The following KIF6 variants were observed in gnomAD, a reference collection of about 807,000 sequenced individuals.
KIF6 encodes the protein kinesin family member 6.
Under a neutral mutation model 112.7 loss-of-function variants are expected in KIF6, and 106 were observed. That is an observed-to-expected ratio of 0.94 (90% CI 0.80 to 1.11). The LOEUF is 1.11. Among genes scored for constraint, KIF6 ranks in the 50% least tolerant of loss-of-function variants. The pLI, the probability that KIF6 is intolerant of heterozygous loss-of-function variation, is 0.00. For synonymous variants in KIF6, 339 were observed against 339.9 expected (o/e 1.00, Z 0.03); for missense variants, 929 against 964.0 (o/e 0.96, Z 0.48).
At chr6:39,467,202 G>A (rs1051985412) in intron 13 of KIF6, among the ~76,000 whole-genome samples, 110 of 152,224 alleles carry the variant, frequency 7.2e-4, no homozygotes, top group Non-Finnish European at 3.4e-4. Flanking sequence ...AGCTCCATGA[G>A]AGCAACAAGC....
At chr6:39,686,399 C>G (rs993093398) in intron 3 of KIF6, among the ~76,000 whole-genome samples, 2 of 152,166 alleles carry the variant, frequency 1.3e-5, no homozygotes, top group African/African-American at 4.8e-5. Flanking sequence ...GCTAATTATG[C>G]CAATCACATG....
intron 15 of KIF6, among the ~76,000 whole-genome samples, chr6:39,388,832 T>C (rs564418537): frequency 7.2e-5 from 11 of 152,280 alleles, no homozygotes; most frequent in African/African-American, 2.6e-4. Context: ...ACTCCCAGCC[T>C]GAGGCCGGAG....
At chr6:39,599,754 T>C (rs1213839282) in intron 6 of KIF6, among the ~76,000 whole-genome samples, 1 of 152,130 alleles carries the variant, frequency 6.6e-6, no homozygotes, top group African/African-American at 2.4e-5. Context: ...ACAATCAATA[T>C]AAACAAATAA....
chr6:39,390,536 G>T (rs191548390), intron 15 of KIF6, among the ~76,000 whole-genome samples: 6 of 152,276 alleles, frequency 3.9e-5, no homozygotes, highest in African/African-American at 1.4e-4. Flanking sequence ...TGGGACAGGG[G>T]CGGCAAGGGA....
chr6:39,697,437 A>T (rs557788860), intron 3 of KIF6, among the ~76,000 whole-genome samples: 2 of 152,318 alleles, frequency 1.3e-5, no homozygotes, highest in African/African-American at 4.8e-5. Context: ...TAGACTTCCC[A>T]GTTATGTAAG....
intron 13 of KIF6, among the ~76,000 whole-genome samples, chr6:39,439,956 T>C (rs1172520915): frequency 6.6e-6 from 1 of 152,242 alleles, no homozygotes; most frequent in Non-Finnish European, 1.5e-5. Flanking sequence ...TGCTTAAAAA[T>C]TGACAAAAGT....
At chr6:39,702,437 T>C (rs1247693941) in intron 3 of KIF6, among the ~76,000 whole-genome samples, 1 of 152,234 alleles carries the variant, frequency 6.6e-6, no homozygotes, top group Non-Finnish European at 1.5e-5. Context: ...ATAGTTCCAC[T>C]GGAAACTGGG....
intron 13 of KIF6, among the ~76,000 whole-genome samples, chr6:39,502,212 A>G (rs548002630): frequency 6.6e-6 from 1 of 152,296 alleles, no homozygotes; most frequent in Admixed American, 6.5e-5. Context: ...GAATTTCCAA[A>G]CCAGAATTTC....
At position 39,540,144 on chromosome 6, in the gene KIF6, C is replaced by G; in HGVS notation, c.1504G>C (p.Glu502Gln). ...ALHLAGMDRR[E>Q]FRQSQSPPFR... is the part of the protein sequence containing the mutation. ...GGTGGGCTCTGGGACTGTCTGAATT[C>G]ACGTCTATCCATGCCAGCCAAGTGG... Residue 502 changes from glutamate to glutamine, a missense_variant, in exon 13 of 23, where the codon GAA becomes CAA. Physicochemically the swap from Glu to Gln is conservative, Grantham distance 29. Transcript: ENST00000287152. 6.2e-7 allele frequency: 1 copy of G among 1,614,154 alleles called. No individual in the cohort carries two copies. Among genetic ancestry groups the G allele is most frequent in the Non-Finnish European group, 8.5e-7 (1 of 1,180,014 alleles).
At chr6:39,577,806 A>G (rs1781053211) in intron 10 of KIF6, among the ~76,000 whole-genome samples, 1 of 152,212 alleles carries the variant, frequency 6.6e-6, no homozygotes, top group Admixed American at 6.5e-5. Context: ...TTCAGCTGGC[A>G]TGAGAAGGAT....
intron 5 of KIF6, among the ~76,000 whole-genome samples, chr6:39,632,643 A>T (rs368847290): frequency 4.1e-4 from 62 of 152,150 alleles, no homozygotes; most frequent in East Asian, 2.9e-3. Context: ...TAAAAGGCAA[A>T]CTTGTCTAAG....
chr6:39,567,440 T>A (rs1028414332), intron 10 of KIF6, among the ~76,000 whole-genome samples: 8 of 152,178 alleles, frequency 5.3e-5, no homozygotes, highest in Non-Finnish European at 1.0e-4. Flanking sequence ...TAACTCTCAG[T>A]CTATTCATAT....
In KIF6 at chr6:39,477,298, T is replaced by A. The variant is rs75159900; in HGVS notation, c.1646-46137A>T. The stretch of plus-strand genomic sequence containing the variant: ...ACAGAAAAATCCCCAAACAGGGCAA[T>A]TTGGAAATCTCTGTAAAACTTATAA... On this transcript the variant is annotated intron_variant, in intron 13 of 22. Transcript: ENST00000287152. 7.2e-4 allele frequency among the ~76,000 whole-genome samples: 110 copies of A among 152,280 alleles called. No homozygotes were observed. The East Asian group carries it at 0.018, about 25-fold the overall frequency.
chr6:39,362,575 G>T, intron 16 of KIF6, 57 bp from the exon 17 acceptor site: 2 of 1,293,568 alleles, frequency 1.5e-6, no homozygotes, highest in Non-Finnish European at 2.3e-6. Context: ...GGAAGAGTGT[G>T]ATATTTGGGC....
chr6:39,575,095 A>G (rs1352719351), intron 10 of KIF6, among the ~76,000 whole-genome samples: 1 of 152,042 alleles, frequency 6.6e-6, no homozygotes. Flanking sequence ...CTAAGGCCCT[A>G]TGGGTTGTAC....
At chr6:39,492,539 C>T (rs1312157240) in intron 13 of KIF6, among the ~76,000 whole-genome samples, 1 of 152,190 alleles carries the variant, frequency 6.6e-6, no homozygotes, top group Non-Finnish European at 1.5e-5. Context: ...AGCCAAGAAC[C>T]ATGGGAAATG....
intron 10 of KIF6, among the ~76,000 whole-genome samples, chr6:39,572,705 G>A (rs1301582923): frequency 4.5e-5 from 5 of 110,490 alleles, no homozygotes; most frequent in Non-Finnish European, 7.0e-5. Flanking sequence ...TTGTATATGT[G>A]TTTAGAGACT....
At chr6:39,385,799 A>G in intron 15 of KIF6, 127 bp from the exon 16 acceptor site, 2 of 689,146 alleles carry the variant, frequency 2.9e-6, no homozygotes, top group Non-Finnish European at 2.6e-6. Flanking sequence ...AAAAGCAGGC[A>G]TAGCTTCCAA....
intron 13 of KIF6, among the ~76,000 whole-genome samples, chr6:39,505,504 G>T (rs1415484842): frequency 1.3e-5 from 2 of 152,026 alleles, no homozygotes; most frequent in Non-Finnish European, 2.9e-5. Context: ...GACAAATGGG[G>T]TCTAATTAAA....
Sources: allele counts gnomAD v4.1 joint callset (sites outside exome capture counted in the v4.1 genomes callset), GRCh38; gene constraint gnomAD v4.1.1; transcripts MANE v1.5; gene names NCBI Gene and HGNC (gene_info 2026-07-23, HGNC 2026-07-21).